NAA16: variants seen among roughly 807,000 people sequenced by gnomAD.
NAA16 encodes NARG1-like protein.
In NAA16, 97 loss-of-function variants were observed where a neutral mutation model predicts 110.3. The observed-to-expected ratio is 0.88, with a 90% CI of 0.75 to 1.04. NAA16 has a LOEUF of 1.04. Ranked by LOEUF, NAA16 falls within the 50% of genes least tolerant of loss-of-function variation. The pLI is 0.00. For missense variants in NAA16, 1,017 were observed against 1,005.1 expected (o/e 1.01, Z -0.16); for synonymous variants, 372 against 330.6 (o/e 1.13, Z -1.36).
intron 7 of NAA16, among the ~76,000 whole-genome samples, chr13:41,330,361 C>T (rs1394683638): frequency 2.0e-5 from 3 of 151,908 alleles, no homozygotes; most frequent in Non-Finnish European, 4.4e-5. Context: ...AATATCAATA[C>T]TTATAAACTA....
At chr13:41,358,652 T>C in intron 11 of NAA16, 158 bp from the exon 12 acceptor site, 2 of 1,432,784 alleles carry the variant, frequency 1.4e-6, no homozygotes, top group Non-Finnish European at 1.8e-6. Flanking sequence ...GTGTAATCAT[T>C]TGAGCTCTTA....
chr13:41,337,974 C>A (rs148385129), intron 9 of NAA16, among the ~76,000 whole-genome samples: 8 of 151,964 alleles, frequency 5.3e-5, no homozygotes, highest in Admixed American at 3.3e-4. Context: ...CAAAAAAACC[C>A]AAAAAACCCT....
At chr13:41,317,192 A>G (rs891801803) in intron 2 of NAA16, among the ~76,000 whole-genome samples, 12 of 152,138 alleles carry the variant, frequency 7.9e-5, no homozygotes, top group African/African-American at 2.7e-4. Flanking sequence ...CAGTATTTTT[A>G]TGGACCTGAT....
In NAA16 at chr13:41,376,709, G is replaced by A. The variant is rs1407699637; in HGVS notation, c.*1107G>A. The A allele has an allele frequency of 6.6e-6, 1 of 152,174 alleles. No individual in the cohort carries two copies. Among genetic ancestry groups the A allele is most frequent in the African/African-American group, 2.4e-5 (1 of 41,436 alleles). 9.4% of individuals were successfully genotyped at this position (152,174 alleles called of 1,614,324 possible). On this transcript the variant is annotated 3_prime_UTR_variant, in exon 20 of 20. Transcript: ENST00000379406. The stretch of plus-strand genomic sequence containing the variant: ...GCATTTTAATATCTCGGCAAAATGA[G>A]ATTTGAAACTCATTAGTTTAACTCT...
intron 6 of NAA16, chr13:41,328,177 C>G (rs1394841572): frequency 1.3e-5 from 2 of 152,006 alleles, no homozygotes; most frequent in Admixed American, 6.6e-5. Context: ...AGGATTTGAC[C>G]TTTTACCAAC....
chr13:41,311,696 C>G (rs1213254280), intron 1 of NAA16, 114 bp downstream of exon 1: 3 of 978,920 alleles, frequency 3.1e-6, no homozygotes, highest in Non-Finnish European at 4.6e-6. Context: ...CTGCCCACCG[C>G]TCTTTGTTTA....
At chr13:41,319,515 AT>A (rs929414776) in intron 3 of NAA16, among the ~76,000 whole-genome samples, 11 of 151,666 alleles carry the variant, frequency 7.3e-5, no homozygotes, top group Non-Finnish European at 1.3e-4. Flanking sequence ...GTAAAAAAAA[AT>A]TTTTTTTTGT....
intron 8 of NAA16, among the ~76,000 whole-genome samples, chr13:41,333,304 TAA>T (rs979764873): frequency 7.9e-5 from 12 of 152,264 alleles, no homozygotes; most frequent in African/African-American, 1.4e-4. Context: ...AACTCACTTT[TAA>T]AAAGTGTGTG....
At position 41,369,211 on chromosome 13, in the gene NAA16, GAA is replaced by G; in HGVS notation, c.1881_1882del (p.Asp629Ter). ...ERERQQKNQK[K>X]KRDEEEEEAS... Reference sequence around the variant, plus strand: ...GAGAACGTCAACAGAAAAATCAAAAGAAAAAAAGAGATGAAGAAGAAGAAGAA... The same window carrying G: ...GAGAACGTCAACAGAAAAATCAAAAGAAAAAGAGATGAAGAAGAAGAAGAA... On this transcript the variant is annotated frameshift_variant, in exon 15 of 20. Coordinates refer to ENST00000379406, the MANE Select transcript of NAA16 (RefSeq NM_024561.5). LOFTEE classifies it high-confidence loss of function. The G allele has an allele frequency of 6.3e-7, 1 of 1,594,474 alleles. No homozygotes were observed. Among genetic ancestry groups the G allele is most frequent in the Non-Finnish European group, 8.5e-7 (1 of 1,173,208 alleles).
chr13:41,315,221 T>G (rs1198051559), intron 1 of NAA16, among the ~76,000 whole-genome samples: 1 of 152,006 alleles, frequency 6.6e-6, no homozygotes, highest in Non-Finnish European at 1.5e-5. Context: ...TGAGGAACCA[T>G]CCATGGGAAG....
intron 12 of NAA16, among the ~76,000 whole-genome samples, chr13:41,360,648 G>T (rs564976382): frequency 3.3e-5 from 5 of 152,314 alleles, no homozygotes; most frequent in Admixed American, 3.3e-4. Flanking sequence ...ACACTAGTTT[G>T]TTGGCCAGGC....
At chr13:41,333,289 C>T (rs1316431389) in intron 8 of NAA16, among the ~76,000 whole-genome samples, 1 of 151,982 alleles carries the variant, frequency 6.6e-6, no homozygotes, top group African/African-American at 2.4e-5. Flanking sequence ...ATCCATATAC[C>T]GTAAAACTCA....
At chr13:41,374,549 C>G (rs2139523168) in intron 18 of NAA16, 193 bp from the exon 19 acceptor site, 1 of 461,166 alleles carries the variant, frequency 2.2e-6, no homozygotes, top group South Asian at 3.6e-5. Flanking sequence ...TGATCATGGC[C>G]TATCAATGGG....
Position 41,362,859 on chromosome 13 carries a change from A to G in NAA16, c.1539+700A>G, listed in dbSNP as rs2043141308. On this transcript the variant is annotated intron_variant, in intron 13 of 19. Transcript: ENST00000379406. Reference sequence around the variant, plus strand: ...CCATCCTGACGCAGTATAGAACCACAGGCATCGTAGTCAGGTGAGCCTGAT... The same window carrying G: ...CCATCCTGACGCAGTATAGAACCACGGGCATCGTAGTCAGGTGAGCCTGAT... 5 of 1,281,262 alleles carry G rather than the reference A, an allele frequency of 3.9e-6. No individual in the cohort carries two copies. The African/African-American group carries it at 6.1e-5, about 16-fold the overall frequency. 79.4% of individuals were successfully genotyped at this position (1,281,262 alleles called of 1,614,324 possible).
chr13:41,346,685 A>G (rs1453941629), intron 9 of NAA16, among the ~76,000 whole-genome samples: 6 of 152,062 alleles, frequency 3.9e-5, no homozygotes, highest in Non-Finnish European at 1.5e-5. Context: ...CTCTTGGGGT[A>G]TAAGGGCCAG....
chr13:41,349,059 G>A (rs1458050539), intron 9 of NAA16, among the ~76,000 whole-genome samples: 1 of 151,992 alleles, frequency 6.6e-6, no homozygotes, highest in Non-Finnish European at 1.5e-5. Flanking sequence ...CAATTTTCTT[G>A]ATCTAAAGAG....
chr13:41,331,469 C>T, intron 8 of NAA16, 100 bp downstream of exon 8: 1 of 826,386 alleles, frequency 1.2e-6, no homozygotes, highest in East Asian at 2.8e-5. Context: ...TTTATGTTTA[C>T]AGCAGTCTTG....
chr13:41,373,879 G>A (rs1169874971), intron 18 of NAA16, 99 bp downstream of exon 18: 4 of 1,428,822 alleles, frequency 2.8e-6, no homozygotes, highest in East Asian at 2.6e-5. Context: ...ACAGTACTGT[G>A]TGTAAGTATG....
chr13:41,313,505 A>G (rs1305385892), intron 1 of NAA16, among the ~76,000 whole-genome samples: 1 of 152,254 alleles, frequency 6.6e-6, no homozygotes, highest in Non-Finnish European at 1.5e-5. Flanking sequence ...TCCATAGCAA[A>G]CAGAAGTCTC....
Sources: gnomAD v4.1 joint callset for allele counts (sites outside exome capture counted in the v4.1 genomes callset) on GRCh38, gnomAD v4.1.1 for gene constraint, MANE v1.5 for transcripts, NCBI Gene and HGNC (gene_info 2026-07-23, HGNC 2026-07-21) for gene names.